Variants in SPTBN5 observed in about 807,000 individuals in gnomAD.
SPTBN5 encodes the protein spectrin beta chain, non-erythrocytic 5.
A neutral mutation model predicts 477.6 loss-of-function variants in SPTBN5; 513 were observed. The observed-to-expected ratio is 1.07, with a 90% CI of 1.00 to 1.16. SPTBN5 has a LOEUF of 1.16. Ranked by LOEUF, SPTBN5 falls within the 50% of genes most tolerant of loss-of-function variation. The pLI is 0.00. For synonymous variants in SPTBN5, 2,169 were observed against 2,011.7 expected (o/e 1.08, Z -2.09); for missense variants, 5,062 against 4,731.8 (o/e 1.07, Z -2.05).
intron 35 of SPTBN5, 65 bp from the exon 36 acceptor site, chr15:41,867,191 G>A: frequency 1.4e-6 from 2 of 1,452,180 alleles, no homozygotes; most frequent in Non-Finnish European, 1.8e-6. Context: ...GGCCTGCAGG[G>A]CTCACAGTCC....
chr15:41,882,611 T>C lies in SPTBN5; in HGVS notation c.2020A>G (p.Ile674Val). 6.2e-7 allele frequency: 1 copy of C among 1,605,414 alleles called. No homozygotes were observed. Among genetic ancestry groups the C allele is most frequent in the South Asian group, 1.1e-5 (1 of 89,320 alleles). The change falls in exon 10 of 68, where the codon ATC (isoleucine) becomes GTC (valine). Residue 674 changes from isoleucine to valine, a missense_variant. Coordinates refer to ENST00000320955, the MANE Select transcript of SPTBN5 (RefSeq NM_016642.4). Reference sequence around the variant, plus strand: ...TTGTGTTTCTGCAGGGCGCCTGCGATCTGGCTGAGATCCCGGCCCAGGGCC... The same window carrying C: ...TTGTGTTTCTGCAGGGCGCCTGCGACCTGGCTGAGATCCCGGCCCAGGGCC... ...NAALGRDLSQ[I>V]AGALQKHKAL...
chr15:41,878,652 C>T (rs1595496723), intron 16 of SPTBN5, 23 bp from the exon 17 acceptor site: 1 of 1,599,588 alleles, frequency 6.3e-7, no homozygotes. Flanking sequence ...GTGCGCTGCA[C>T]AGTCAGTGCC....
intron 56 of SPTBN5, among the ~76,000 whole-genome samples, chr15:41,854,483 G>A (rs1361384293): frequency 6.6e-6 from 1 of 152,132 alleles, no homozygotes; most frequent in Non-Finnish European, 1.5e-5. Flanking sequence ...ACGTGAGGGA[G>A]CAGGCCGGTT....
chr15:41,860,273 T>G (rs1416279355), intron 47 of SPTBN5, among the ~76,000 whole-genome samples: 1 of 152,260 alleles, frequency 6.6e-6, no homozygotes, highest in Admixed American at 6.5e-5. Context: ...ATGCTTGACC[T>G]CTGTGCCCTG....
In SPTBN5 at chr15:41,876,431, T is replaced by G. The variant is rs575529791; in HGVS notation, c.3951+117A>C. 8 of 1,335,700 alleles carry G rather than the reference T, an allele frequency of 6.0e-6. No individual in the cohort carries two copies. The Admixed American group carries it at 1.2e-4, about 20-fold the overall frequency. 82.7% of individuals were successfully genotyped at this position (1,335,700 alleles called of 1,614,324 possible). A position where few individuals can be genotyped will look rare whatever the true frequency, so the allele number is the denominator to read the frequency against. On this transcript the variant is annotated intron_variant, in intron 20 of 67. Coordinates refer to ENST00000320955, the MANE Select transcript of SPTBN5 (RefSeq NM_016642.4). ...GTGTTGCCTGCCTCACAGAAGGTGT[T>G]GAGAGGATGAATGACATAGCGCGTG...
In SPTBN5 at chr15:41,886,230, C is replaced by G; in HGVS notation, c.1025G>C (p.Arg342Pro). 1 of 1,613,108 alleles carries G rather than the reference C, an allele frequency of 6.2e-7. No homozygotes were observed. Among genetic ancestry groups the G allele is most frequent in the Non-Finnish European group, 8.5e-7 (1 of 1,179,882 alleles). ...GATGGTGAATGCTGCCAGTAGCTGC[C>G]GCATGGCGGGCAGCGAGTCTGGAAA... ...RDFPDSLPAMRQLLAAFTIFR... is the reference protein window; with the variant it reads ...RDFPDSLPAMPQLLAAFTIFR... Residue 342 changes from arginine to proline, a missense_variant, in exon 7 of 68, where the codon CGG becomes CCG. By Grantham distance (103) the Arg-to-Pro change is moderately radical. Coordinates refer to ENST00000320955, the MANE Select transcript of SPTBN5 (RefSeq NM_016642.4).
rs1049628177 is a variant in SPTBN5, at chr15:41,851,442, C to A, written c.10657-73G>T. Reference sequence around the variant, plus strand: ...AGAGCTAGGGCCTGTCCACGCCTCACCATGTGTGTGGAGCTTCCCAGGAAA... The same window carrying A: ...AGAGCTAGGGCCTGTCCACGCCTCAACATGTGTGTGGAGCTTCCCAGGAAA... On this transcript the variant is annotated intron_variant, in intron 63 of 67. Transcript: ENST00000320955. 1.9e-5 allele frequency: 21 copies of A among 1,119,920 alleles called. No homozygotes were observed. The African/African-American group carries it at 2.8e-4, about 15-fold the overall frequency. The allele number at this position is 1,119,920 out of a possible 1,614,324, so 69.4% of individuals were successfully genotyped here.
In SPTBN5 at chr15:41,851,778, C is replaced by G; in HGVS notation, c.10656+1G>C. ...TGGAGAAGGAATCTCCAGGCACTCACCTGCCTCCCGCCAGGCAGCAGGTGC... is the reference window on the plus strand; with the variant it reads ...TGGAGAAGGAATCTCCAGGCACTCAGCTGCCTCCCGCCAGGCAGCAGGTGC... On this transcript the variant is annotated splice_donor_variant, in intron 63 of 67. Transcript: ENST00000320955. LOFTEE classifies it high-confidence loss of function. The G allele has an allele frequency of 6.2e-7, 1 of 1,608,426 alleles. No homozygotes were observed. The highest frequency in any genetic ancestry group is 2.2e-5 in the East Asian group (1 of 44,824).
At chr15:41,850,134 T>C (rs1175222393) in intron 66 of SPTBN5, 175 bp from the exon 67 acceptor site, 1 of 606,454 alleles carries the variant, frequency 1.6e-6, no homozygotes, top group African/African-American at 1.8e-5. Context: ...GGGCAGGTTT[T>C]TCCCCCATGC....
intron 23 of SPTBN5, 149 bp from the exon 24 acceptor site, chr15:41,874,627 G>A (rs1250754175): frequency 2.9e-5 from 25 of 857,044 alleles, no homozygotes; most frequent in African/African-American, 3.4e-5. Flanking sequence ...GTGGAAGGGC[G>A]CCAGGGCCCC....
At chr15:41,892,399 C>G (rs1381660051) in intron 3 of SPTBN5, among the ~76,000 whole-genome samples, 4 of 152,126 alleles carry the variant, frequency 2.6e-5, no homozygotes, top group Non-Finnish European at 5.9e-5. Flanking sequence ...CTGTCCCTTT[C>G]TTTCAGGTGA....
rs190837195 is a variant in SPTBN5 at position 41,867,231 on chromosome 15, C to T, written c.6313-105G>A. 6,103 of 1,315,238 alleles carry T rather than the reference C, an allele frequency of 4.6e-3. 22 individuals are homozygous for T. The highest frequency in any genetic ancestry group is 5.6e-3 in the Non-Finnish European group (5,560 of 987,976). 81.5% of individuals were successfully genotyped at this position (1,315,238 alleles called of 1,614,324 possible). On this transcript the variant is annotated intron_variant, in intron 35 of 67. Transcript: ENST00000320955. The stretch of plus-strand genomic sequence containing the variant: ...TTTGAGGGCCCCGGAGCCCTTTCCT[C>T]AGCCCCACATGGCTGAGGGGTATCT...
In SPTBN5 at chr15:41,861,403, C is replaced by T; in HGVS notation, c.7815+16G>A. 3 of 1,606,720 alleles carry T rather than the reference C, an allele frequency of 1.9e-6. No homozygotes were observed. The highest frequency in any genetic ancestry group is 1.7e-6 in the Non-Finnish European group (2 of 1,173,784). ...TGGTAATTCCCCCCTCCTGCCCATT[C>T]CTGCTGGGCACCTACCCATAGACCC... On this transcript the variant is annotated intron_variant, in intron 46 of 67. Transcript: ENST00000320955.
At chr15:41,879,711 C>T in intron 15 of SPTBN5, 23 bp downstream of exon 15, 1 of 1,612,682 alleles carries the variant, frequency 6.2e-7, no homozygotes, top group African/African-American at 1.3e-5. Flanking sequence ...GCCTCACCAC[C>T]TGCACTCCTG....
intron 66 of SPTBN5, chr15:41,850,179 T>A: frequency 1.8e-6 from 1 of 557,864 alleles, no homozygotes; most frequent in Non-Finnish European, 3.2e-6. Context: ...ACAGGTGAGT[T>A]AAGAAAGGCT....
Position 41,883,063 on chromosome 15 carries a change from C to A in SPTBN5, c.1825G>T (p.Val609Leu), listed in dbSNP as rs1338944154. Residue 609 changes from valine to leucine, a missense_variant, in exon 9 of 68, where the codon GTG becomes TTG. Coordinates refer to ENST00000320955, the MANE Select transcript of SPTBN5 (RefSeq NM_016642.4). Reference protein sequence around the residue: ...LDSSLGTSVEVLQAKARTLAQ... With the variant: ...LDSSLGTSVELLQAKARTLAQ... ...AGTGTCCTGGCCTTGGCCTGCAGCA[C>A]CTCCACACTGGTGCCCAGGGAGGAG... 1.3e-6 allele frequency: 2 copies of A among 1,584,854 alleles called. No homozygotes were observed. The highest frequency in any genetic ancestry group is 2.3e-5 in the South Asian group (2 of 87,346).
At position 41,879,377 on chromosome 15, in the gene SPTBN5, T is replaced by TG. The variant is rs1185807706; in HGVS notation, c.3064dup (p.Gln1022ProfsTer79). 6.2e-7 allele frequency: 1 copy of TG among 1,610,576 alleles called. No homozygotes were observed. Among genetic ancestry groups the TG allele is most frequent in the Non-Finnish European group, 8.5e-7 (1 of 1,179,870 alleles). Reference sequence around the variant, plus strand: ...GCTCCCTGGCTGCAGGGCCTCCAGCTGGAGGAGCACGTCTCGCAGCTGGAC... The same window carrying TG: ...GCTCCCTGGCTGCAGGGCCTCCAGCTGGGAGGAGCACGTCTCGCAGCTGGAC... On this transcript the variant is annotated frameshift_variant, in exon 16 of 68. Coordinates refer to ENST00000320955, the MANE Select transcript of SPTBN5 (RefSeq NM_016642.4). LOFTEE classifies it high-confidence loss of function.
Position 41,883,211 on chromosome 15 carries a change from G to A in SPTBN5, c.1677C>T (p.Thr559=), listed in dbSNP as rs542166326. The part of the protein sequence containing the change: ...LEELQEPARS[T]ACGQQLAEVV... ...CTTCTGCCAGCTGCTGCCCACAGGC[G>A]GTGGACCTGGCCGGCTCCTGGCCAG... The change falls in exon 9 of 68, where the codon ACC becomes ACT. Residue 559 remains threonine, a synonymous_variant. Transcript: ENST00000320955. The A allele has an allele frequency of 1.1e-5, 18 of 1,610,980 alleles. No homozygotes were observed. Among genetic ancestry groups the A allele is most frequent in the Admixed American group, 1.0e-4 (6 of 59,820 alleles).
chr15:41,862,619 G>C lies in SPTBN5; in HGVS notation c.7305C>G (p.Pro2435=). The change falls in exon 43 of 68, where the codon CCC becomes CCG. Residue 2435 remains proline, a synonymous_variant. Transcript: ENST00000320955. ...TGTGCCTGAGGCCGTGGGCTGCCTC[G>C]GGGCTTCTTTGGCAGAGGCGGCCCA... The part of the protein sequence containing the change: ...REVGRLCQRS[P]EAAHGLRHRQ... The C allele has an allele frequency of 1.9e-6, 3 of 1,558,006 alleles. No individual in the cohort carries two copies. Among genetic ancestry groups the C allele is most frequent in the Non-Finnish European group, 2.6e-6 (3 of 1,152,970 alleles).
Sources: gnomAD v4.1 joint callset for allele counts (sites outside exome capture counted in the v4.1 genomes callset) on GRCh38, gnomAD v4.1.1 for gene constraint, MANE v1.5 for transcripts, NCBI Gene and HGNC (gene_info 2026-07-23, HGNC 2026-07-21) for gene names.